Variants in GRM1 observed in about 807,000 individuals in gnomAD.
The protein encoded by GRM1 is glutamate metabotropic receptor 1, also known as metabotropic glutamate receptor 1.
A neutral mutation model predicts 90.9 loss-of-function variants in GRM1; 33 were observed. The observed-to-expected ratio is 0.36, with a 90% CI of 0.28 to 0.49. GRM1 has a LOEUF of 0.49. Among genes scored for constraint, GRM1 ranks in the 20% least tolerant of loss-of-function variants. GRM1 has a pLI of 0.99. For synonymous variants in GRM1, 700 were observed against 613.2 expected (o/e 1.14, Z -2.09); for missense variants, 1,190 against 1,534.3 (o/e 0.78, Z 3.75).
intron 1 of GRM1, among the ~76,000 whole-genome samples, chr6:146,047,656 C>T (rs1409599814): frequency 6.6e-6 from 1 of 151,706 alleles, no homozygotes; most frequent in Non-Finnish European, 1.5e-5. Context: ...AAGCTGCTGT[C>T]CCCTCTAGCA....
chr6:146,096,636 T>A (rs1230367168), intron 1 of GRM1, among the ~76,000 whole-genome samples: 1 of 152,180 alleles, frequency 6.6e-6, no homozygotes, highest in East Asian at 1.9e-4. Context: ...TGCTGGTGTA[T>A]CACCCATGAC....
intron 1 of GRM1, among the ~76,000 whole-genome samples, chr6:146,154,436 C>T (rs1777447981): frequency 6.6e-6 from 1 of 152,162 alleles, no homozygotes; most frequent in Non-Finnish European, 1.5e-5. Flanking sequence ...CAGTCAATGC[C>T]TGTCTTTTGA....
At chr6:146,232,953 G>A (rs546839426) in intron 2 of GRM1, among the ~76,000 whole-genome samples, 2 of 151,774 alleles carry the variant, frequency 1.3e-5, no homozygotes, top group African/African-American at 4.8e-5. Context: ...ATTCTGTAGA[G>A]TTTAGAGTTG....
rs3025910 is a variant in GRM1 at position 146,335,644 on chromosome 6, T to A, written c.1187-16606T>A. On this transcript the variant is annotated intron_variant, in intron 3 of 7. Coordinates refer to ENST00000282753, the MANE Select transcript of GRM1 (RefSeq NM_001278064.2). ...AGAACATCATTTTTAATCTTTAAAG[T>A]TCAAGACACTTTCCCAGGGCCCCCA... is the stretch of plus-strand genomic sequence containing the variant. 4.8e-3 allele frequency among the ~76,000 whole-genome samples: 726 copies of A among 152,290 alleles called. 4 individuals are homozygous for A. Among genetic ancestry groups the A allele is most frequent in the African/African-American group, 0.017 (696 of 41,560 alleles).
At chr6:146,083,866 GC>G (rs1166252160) in intron 1 of GRM1, among the ~76,000 whole-genome samples, 1 of 152,068 alleles carries the variant, frequency 6.6e-6, no homozygotes, top group Non-Finnish European at 1.5e-5. Flanking sequence ...CTGGTCCCAG[GC>G]TTTTCTTGGT....
At chr6:146,391,979 G>A (rs2114549124) in intron 6 of GRM1, among the ~76,000 whole-genome samples, 1 of 152,214 alleles carries the variant, frequency 6.6e-6, no homozygotes, top group Middle Eastern at 3.4e-3. Context: ...TGTATTTGAT[G>A]CACTGTATAG....
chr6:146,270,440 A>C (rs976964551), intron 2 of GRM1, among the ~76,000 whole-genome samples: 8 of 152,174 alleles, frequency 5.3e-5, no homozygotes, highest in Non-Finnish European at 1.2e-4. Context: ...CATTGGAAAG[A>C]TATGTTGCTT....
At chr6:146,407,057 C>T (rs1777374561) in intron 7 of GRM1, among the ~76,000 whole-genome samples, 1 of 152,134 alleles carries the variant, frequency 6.6e-6, no homozygotes, top group Admixed American at 6.5e-5. Context: ...GTCCTGTGCT[C>T]CTCAAAAAAT....
intron 6 of GRM1, among the ~76,000 whole-genome samples, chr6:146,390,728 A>C (rs1218763671): frequency 1.3e-5 from 2 of 152,064 alleles, no homozygotes; most frequent in African/African-American, 4.8e-5. Flanking sequence ...GTTTTGTGCC[A>C]GGTACTTTTT....
At chr6:146,146,414 C>T (rs1298346330) in intron 1 of GRM1, among the ~76,000 whole-genome samples, 4 of 151,976 alleles carry the variant, frequency 2.6e-5, no homozygotes, top group African/African-American at 9.7e-5. Flanking sequence ...ATTAGATAAC[C>T]TGCTTTGATT....
chr6:146,412,144 G>A (rs1777592433), intron 7 of GRM1, among the ~76,000 whole-genome samples: 1 of 152,182 alleles, frequency 6.6e-6, no homozygotes, highest in Non-Finnish European at 1.5e-5. Flanking sequence ...ATTGATATAT[G>A]TTGCAGCATT....
At chr6:146,221,096 G>A (rs1780043527) in intron 2 of GRM1, among the ~76,000 whole-genome samples, 1 of 152,086 alleles carries the variant, frequency 6.6e-6, no homozygotes, top group Non-Finnish European at 1.5e-5. Flanking sequence ...AGCTCCACTT[G>A]AGTAGGAATA....
intron 1 of GRM1, among the ~76,000 whole-genome samples, chr6:146,134,981 A>G (rs1039692606): frequency 6.6e-6 from 1 of 152,196 alleles, no homozygotes; most frequent in African/African-American, 2.4e-5. Flanking sequence ...GACCACCCCC[A>G]TAGTCTAATC....
At chr6:146,228,088 A>G (rs1288398988) in intron 2 of GRM1, among the ~76,000 whole-genome samples, 1 of 152,166 alleles carries the variant, frequency 6.6e-6, no homozygotes, top group Non-Finnish European at 1.5e-5. Flanking sequence ...ACTACAAAGC[A>G]TTTATCAACT....
At chr6:146,185,619 G>A (rs959496563) in intron 2 of GRM1, among the ~76,000 whole-genome samples, 11 of 152,158 alleles carry the variant, frequency 7.2e-5, no homozygotes, top group African/African-American at 2.7e-4. Context: ...ACCCAGATTA[G>A]TGACATTCTC....
chr6:146,394,005 C>T (rs981956380), intron 6 of GRM1, among the ~76,000 whole-genome samples: 5 of 151,610 alleles, frequency 3.3e-5, no homozygotes, highest in African/African-American at 1.2e-4. Flanking sequence ...CAAAAACAAG[C>T]AATGGGGAAA....
At chr6:146,059,030 A>G (rs1267476745) in intron 1 of GRM1, among the ~76,000 whole-genome samples, 1 of 151,954 alleles carries the variant, frequency 6.6e-6, no homozygotes, top group Non-Finnish European at 1.5e-5. Flanking sequence ...CTTCTTACAA[A>G]CTCTTAATAA....
chr6:146,033,062 A>T (rs564416186), intron 1 of GRM1, among the ~76,000 whole-genome samples: 3 of 152,306 alleles, frequency 2.0e-5, no homozygotes, highest in Non-Finnish European at 4.4e-5. Flanking sequence ...GACAATTATC[A>T]ATTTACATAA....
intron 2 of GRM1, among the ~76,000 whole-genome samples, chr6:146,265,380 TG>T: frequency 6.6e-6 from 1 of 152,314 alleles, no homozygotes; most frequent in East Asian, 1.9e-4. Flanking sequence ...TAGAGTTATT[TG>T]ATTTTTCTTG....
Sources: gnomAD v4.1 joint callset for allele counts (sites outside exome capture counted in the v4.1 genomes callset) on GRCh38, gnomAD v4.1.1 for gene constraint, MANE v1.5 for transcripts, NCBI Gene and HGNC (gene_info 2026-07-23, HGNC 2026-07-21) for gene names.